Variants in CLIC5 observed in about 807,000 individuals in gnomAD.
CLIC5 encodes the protein chloride intracellular channel protein 5.
A neutral mutation model predicts 24.7 loss-of-function variants in CLIC5; 20 were observed. That is an observed-to-expected ratio of 0.81 (90% CI 0.57 to 1.18). CLIC5 has a LOEUF of 1.18. CLIC5 is among the 50% of genes most tolerant of loss of function. The pLI is 0.00. For synonymous variants in CLIC5, 159 were observed against 135.6 expected (o/e 1.17, Z -1.20); for missense variants, 341 against 326.1 (o/e 1.05, Z -0.35).
At chr6:45,968,225 G>A (rs950829310) in intron 1 of CLIC5, among the ~76,000 whole-genome samples, 1 of 152,118 alleles carries the variant, frequency 6.6e-6, no homozygotes, top group African/African-American at 2.4e-5. Flanking sequence ...CTCTTGGCCA[G>A]CATGCCTCTC....
chr6:46,040,692 T>C (rs1250345277), intron 1 of CLIC5, among the ~76,000 whole-genome samples: 1 of 152,046 alleles, frequency 6.6e-6, no homozygotes, highest in Non-Finnish European at 1.5e-5. Flanking sequence ...GTTTCTTGTG[T>C]TGATGAAGGA....
chr6:46,081,145 A>G (rs1246885336), upstream of CLIC5, among the ~76,000 whole-genome samples: 1 of 152,232 alleles, frequency 6.6e-6, no homozygotes, highest in Non-Finnish European at 1.5e-5. Context: ...TTAGTGCAAT[A>G]AGCCCAGGTC....
intron 1 of CLIC5, among the ~76,000 whole-genome samples, chr6:46,061,181 T>TTTTGTTTGTTTGTTTGTTTG (rs70996361): frequency 3.3e-5 from 5 of 151,916 alleles, no homozygotes; most frequent in African/African-American, 1.2e-4. Flanking sequence ...TTGTTTTTGT[T>TTTTGTTTGTTTGTTTGTTTG]TTTGTTTGTT....
chr6:46,046,149 G>C (rs1241876122), intron 1 of CLIC5, among the ~76,000 whole-genome samples: 5 of 152,192 alleles, frequency 3.3e-5, no homozygotes, highest in African/African-American at 1.2e-4. Flanking sequence ...AGATTCCAGA[G>C]ATGAAACTTG....
At chr6:45,975,801 T>C (rs1314258766) in intron 1 of CLIC5, among the ~76,000 whole-genome samples, 2 of 152,178 alleles carry the variant, frequency 1.3e-5, no homozygotes, top group Admixed American at 6.5e-5. Flanking sequence ...TACAGTACCA[T>C]TCATCACCCT....
intron 1 of CLIC5, among the ~76,000 whole-genome samples, chr6:45,964,216 G>T (rs1480438891): frequency 6.6e-6 from 1 of 152,162 alleles, no homozygotes; most frequent in Admixed American, 6.5e-5. Flanking sequence ...TCAGTCCTCA[G>T]CTTCACAGAA....
Position 45,886,150 on chromosome 6 carries a change from G to T in CLIC5, c.624-4962C>A, listed in dbSNP as rs142138415. On this transcript the variant is annotated intron_variant, in intron 6 of 6. Transcript: ENST00000644324. ...GCTTATTTGGGTCACTTCAGAATAC[G>T]TCATGAAATGGGTTGGTCGGTGGTC... Among the ~76,000 whole-genome samples the T allele has an allele frequency of 1.3e-5, 2 of 152,168 alleles. 1 individual carries two copies. Among genetic ancestry groups the T allele is most frequent in the Non-Finnish European group, 2.9e-5 (2 of 68,022 alleles).
intron 3 of CLIC5, among the ~76,000 whole-genome samples, chr6:45,948,355 G>A (rs920829092): frequency 6.6e-6 from 1 of 152,058 alleles, no homozygotes; most frequent in Non-Finnish European, 1.5e-5. Flanking sequence ...GTCACCAATG[G>A]CTCCCCAGAA....
intron 1 of CLIC5, among the ~76,000 whole-genome samples, chr6:46,002,654 A>G (rs774141162): frequency 3.3e-5 from 5 of 152,218 alleles, no homozygotes; most frequent in Admixed American, 6.5e-5. Context: ...TAGCATATGT[A>G]TATTTTTAAA....
At chr6:45,922,485 G>A (rs967664482) in intron 4 of CLIC5, among the ~76,000 whole-genome samples, 2 of 152,116 alleles carry the variant, frequency 1.3e-5, no homozygotes, top group Admixed American at 1.3e-4. Context: ...TATATTTGGC[G>A]TATGTTCAGA....
At chr6:46,040,686 C>T (rs1767783354) in intron 1 of CLIC5, among the ~76,000 whole-genome samples, 1 of 151,788 alleles carries the variant, frequency 6.6e-6, no homozygotes, top group South Asian at 2.1e-4. Flanking sequence ...GTTGGTGTTT[C>T]TTGTGTTGAT....
At chr6:45,960,200 A>G (rs182801341) in intron 1 of CLIC5, among the ~76,000 whole-genome samples, 1 of 152,312 alleles carries the variant, frequency 6.6e-6, no homozygotes, top group Admixed American at 6.5e-5. Flanking sequence ...ATGAAGGGGA[A>G]GCTGATAATT....
At chr6:45,884,031 T>C (rs917692710) in intron 6 of CLIC5, among the ~76,000 whole-genome samples, 4 of 152,152 alleles carry the variant, frequency 2.6e-5, no homozygotes, top group Non-Finnish European at 2.9e-5. Context: ...TAATAAGAGA[T>C]TTAATTATCT....
At chr6:45,955,426 C>A (rs534697072) in intron 1 of CLIC5, among the ~76,000 whole-genome samples, 182 bp from the exon 2 acceptor site, 1 of 152,336 alleles carries the variant, frequency 6.6e-6, no homozygotes, top group South Asian at 2.1e-4. Context: ...CAATGCCTGG[C>A]AGCATGTAAG....
intron 2 of CLIC5, among the ~76,000 whole-genome samples, chr6:45,954,141 G>A (rs1401018666): frequency 6.6e-6 from 1 of 151,904 alleles, no homozygotes; most frequent in Non-Finnish European, 1.5e-5. Context: ...TGTCATGGTG[G>A]CATGTTTCTG....
chr6:46,102,799 T>C, the CLIC5 span: 1 of 152,264 alleles, frequency 6.6e-6, no homozygotes, highest in Non-Finnish European at 1.5e-5. Context: ...TGTATTTATA[T>C]GTAACGTCCC....
At position 45,903,023 on chromosome 6, in the gene CLIC5, G is replaced by A; in HGVS notation, c.*65C>T. 2 of 1,569,112 alleles carry A rather than the reference G, an allele frequency of 1.3e-6. No homozygotes were observed. The highest frequency in any genetic ancestry group is 1.8e-6 in the Non-Finnish European group (2 of 1,142,790). On this transcript the variant is annotated 3_prime_UTR_variant, in exon 6 of 6. Coordinates refer to ENST00000339561, the MANE Select transcript of CLIC5 (RefSeq NM_016929.5). Reference sequence around the variant, plus strand: ...AAGGCAGTGATACAGAGGAGTCTATGAAGCTGGAGTCTTAGGGGAGTGGTT... The same window carrying A: ...AAGGCAGTGATACAGAGGAGTCTATAAAGCTGGAGTCTTAGGGGAGTGGTT...
At chr6:45,885,030 G>C (rs1162432301) in intron 6 of CLIC5, among the ~76,000 whole-genome samples, 1 of 114,350 alleles carries the variant, frequency 8.7e-6, no homozygotes, top group African/African-American at 3.5e-5. Flanking sequence ...ATTCAGTTGA[G>C]AGATCTAATT....
intron 1 of CLIC5, among the ~76,000 whole-genome samples, chr6:46,025,622 C>A (rs1366847288): frequency 1.3e-5 from 2 of 152,168 alleles, no homozygotes; most frequent in Admixed American, 1.3e-4. Context: ...GAAATGAAGG[C>A]TGAAGATCAG....
Sources: allele counts gnomAD v4.1 joint callset (sites outside exome capture counted in the v4.1 genomes callset), GRCh38; gene constraint gnomAD v4.1.1; transcripts MANE v1.5; gene names NCBI Gene and HGNC (gene_info 2026-07-23, HGNC 2026-07-21).